ANKRD30BL: variants seen among roughly 807,000 people sequenced by gnomAD.
The protein encoded by ANKRD30BL is ankyrin repeat domain 30B like, also known as putative ankyrin repeat domain-containing protein 30B-like.
Under a neutral mutation model 18.4 loss-of-function variants are expected in ANKRD30BL, and 20 were observed. The observed-to-expected ratio is 1.09, with a 90% confidence interval of 0.77 to 1.58. ANKRD30BL has a LOEUF of 1.58. ANKRD30BL is among the 40% of genes most tolerant of loss of function. The probability of loss-of-function intolerance (pLI) is 0.00; values close to 1 mark genes in which losing one functional copy is unlikely to be tolerated. For synonymous variants in ANKRD30BL, 72 were observed against 100.9 expected, an observed-to-expected ratio of 0.71 and a Z score of 1.72; for missense variants, 224 against 268.6, an observed-to-expected ratio of 0.83 and a Z score of 1.16.
chr2:132,213,709 C>T (rs1013467827), intron 1 of ANKRD30BL, among the ~76,000 whole-genome samples: 5 of 151,136 alleles, frequency 3.3e-5, no homozygotes, highest in Admixed American at 6.6e-5. Context: ...ATTCATCTCA[C>T]AGAGTTGAAC....
chr2:132,229,449 C>A (rs1305692776), intron 1 of ANKRD30BL, among the ~76,000 whole-genome samples: 1 of 152,032 alleles, frequency 6.6e-6, no homozygotes, highest in East Asian at 1.9e-4. Flanking sequence ...AAGGTAATAT[C>A]ATCACATAAA....
Position 132,225,912 on chromosome 2 carries a change from C to T in ANKRD30BL, n.441+31617G>A, listed in dbSNP as rs556170128. Among the ~76,000 whole-genome samples, 48 of 152,002 alleles carry T rather than the reference C, an allele frequency of 3.2e-4. 1 individual carries two copies. Among genetic ancestry groups the T allele is most frequent in the South Asian group, 6.2e-4 (3 of 4,806 alleles). ...TGTGCATTCAACTCACAGAGTTGAACCTTTCTTTTGATAGAGAAGGTTTGA... is the reference window on the plus strand; with the variant it reads ...TGTGCATTCAACTCACAGAGTTGAATCTTTCTTTTGATAGAGAAGGTTTGA... On this transcript the variant is annotated intron_variant and non_coding_transcript_variant, in intron 1 of 4. Coordinates refer to the ANKRD30BL transcript ENST00000470729.
chr2:132,247,715 AG>A (rs1680541991), intron 1 of ANKRD30BL, among the ~76,000 whole-genome samples: 3 of 152,066 alleles, frequency 2.0e-5, no homozygotes, highest in African/African-American at 7.2e-5. Context: ...ACACATCATA[AG>A]GAAGTTTCCC....
At chr2:132,158,571 A>ATG (rs1387290557) in intron 1 of ANKRD30BL, among the ~76,000 whole-genome samples, 4 of 151,818 alleles carry the variant, frequency 2.6e-5, no homozygotes, top group African/African-American at 9.7e-5. Flanking sequence ...GAGCAGGTAA[A>ATG]TGTGAAATTT....
intron 1 of ANKRD30BL, among the ~76,000 whole-genome samples, chr2:132,222,832 TAAAAAAAAAAAAAAAAA>T (rs71001178): frequency 9.5e-5 from 5 of 52,812 alleles, no homozygotes; most frequent in South Asian, 2.0e-3. Flanking sequence ...GAATGATCAA[TAAAAAAAAAAAAAAAAA>T]AAAAAAAAAA....
chr2:132,220,960 C>T (rs1423496862), intron 1 of ANKRD30BL, among the ~76,000 whole-genome samples: 11 of 151,644 alleles, frequency 7.3e-5, no homozygotes, highest in Non-Finnish European at 1.0e-4. Flanking sequence ...AAGTGAGGAG[C>T]GTCTCTGCCC....
chr2:132,179,531 C>T (rs1258707093), intron 1 of ANKRD30BL, among the ~76,000 whole-genome samples: 5 of 152,046 alleles, frequency 3.3e-5, no homozygotes, highest in Non-Finnish European at 7.4e-5. Context: ...TCAAGTGATC[C>T]TCCCGCCTCA....
chr2:132,209,543 G>C (rs1313173185), intron 1 of ANKRD30BL, among the ~76,000 whole-genome samples: 1 of 152,076 alleles, frequency 6.6e-6, no homozygotes, highest in Non-Finnish European at 1.5e-5. Flanking sequence ...AATGCCTTCT[G>C]AGAAACTTCT....
chr2:132,236,344 C>T (rs1470460712), intron 1 of ANKRD30BL, among the ~76,000 whole-genome samples: 2 of 151,506 alleles, frequency 1.3e-5, no homozygotes, highest in African/African-American at 2.4e-5. Context: ...CAAATGGGAT[C>T]TAATGGGAGA....
intron 1 of ANKRD30BL, among the ~76,000 whole-genome samples, chr2:132,232,198 C>T (rs1309204774): frequency 6.6e-6 from 1 of 152,190 alleles, no homozygotes; most frequent in African/African-American, 2.4e-5. Context: ...TCACCATCAT[C>T]AAAGACCAAC....
intron 1 of ANKRD30BL, among the ~76,000 whole-genome samples, chr2:132,199,496 T>TTTCC (rs1360975932): frequency 6.6e-6 from 1 of 152,014 alleles, no homozygotes; most frequent in African/African-American, 2.4e-5. Context: ...TCTTTCTTTC[T>TTTCC]TTTCTTTTCT....
rs1460533679 is a variant in ANKRD30BL at position 132,161,804 on chromosome 2, C to T, written c.-99G>A. 1.2e-5 allele frequency: 8 copies of T among 655,028 alleles called. No individual in the cohort carries two copies. Among genetic ancestry groups the T allele is most frequent in the Non-Finnish European group, 1.6e-5 (6 of 369,244 alleles). 40.6% of individuals were successfully genotyped at this position (655,028 alleles called of 1,614,324 possible). On this transcript the variant is annotated 5_prime_UTR_variant, in exon 1 of 6. Coordinates refer to ENST00000409867, the MANE Select transcript of ANKRD30BL (RefSeq NM_001358416.1). ...CGCCCTTCTTCAGTCCCTGCATCCG[C>T]CCTGACAAGACTAGAAATCTCAGTC...
intron 1 of ANKRD30BL, among the ~76,000 whole-genome samples, chr2:132,244,950 A>C (rs1420417411): frequency 1.3e-5 from 2 of 152,424 alleles, no homozygotes; most frequent in South Asian, 2.1e-4. Context: ...AACTACACAG[A>C]AGCATTCTCA....
At chr2:132,220,947 A>G (rs1192232301) in intron 1 of ANKRD30BL, among the ~76,000 whole-genome samples, 6 of 140,718 alleles carry the variant, frequency 4.3e-5, no homozygotes, top group African/African-American at 1.3e-4. Context: ...CATCCCATCT[A>G]GGAAGTGAGG....
chr2:132,164,276 T>TTTTC (rs1688147240), upstream of ANKRD30BL, among the ~76,000 whole-genome samples: 3 of 76,348 alleles, frequency 3.9e-5, no homozygotes, highest in African/African-American at 1.6e-4. Context: ...TTTCTTTTTT[T>TTTTC]TTTTTTTTTT....
chr2:132,231,961 G>T (rs573201145), intron 1 of ANKRD30BL, among the ~76,000 whole-genome samples: 3 of 152,182 alleles, frequency 2.0e-5, no homozygotes, highest in African/African-American at 7.2e-5. Context: ...GAGAGCAGTG[G>T]TTCTCCCAGC....
At chr2:132,219,877 G>T (rs1195687594) in intron 1 of ANKRD30BL, among the ~76,000 whole-genome samples, 1 of 152,056 alleles carries the variant, frequency 6.6e-6, no homozygotes, top group Admixed American at 6.6e-5. Context: ...TGTGATGTGT[G>T]CATTCAACTC....
chr2:132,181,091 C>T (rs2104947551), intron 1 of ANKRD30BL, among the ~76,000 whole-genome samples: 1 of 152,098 alleles, frequency 6.6e-6, no homozygotes, highest in African/African-American at 2.4e-5. Flanking sequence ...TTGCAGTGAG[C>T]CAAGATCCCG....
intron 1 of ANKRD30BL, among the ~76,000 whole-genome samples, chr2:132,171,735 T>G (rs796775695): frequency 6.6e-6 from 1 of 152,370 alleles, no homozygotes; most frequent in African/African-American, 2.4e-5. Flanking sequence ...ATACACATAC[T>G]GTACAATTTA....
Sources: gnomAD v4.1 joint callset for allele counts (sites outside exome capture counted in the v4.1 genomes callset) on GRCh38, gnomAD v4.1.1 for gene constraint, MANE v1.5 for transcripts, NCBI Gene and HGNC (gene_info 2026-07-23, HGNC 2026-07-21) for gene names.